The following DDR2 variants were observed in gnomAD, a reference collection of about 807,000 sequenced individuals.
The protein encoded by DDR2 is discoidin domain receptor tyrosine kinase 2.
Under a neutral mutation model 94.9 loss-of-function variants are expected in DDR2, and 27 were observed. The ratio of observed to expected loss-of-function variants is 0.28; its 90% CI spans 0.21 to 0.39. The LOEUF (loss-of-function observed/expected upper bound fraction) is 0.39, where lower values mean the gene tolerates loss of function less well. DDR2 is among the 10% of genes least tolerant of loss of function. DDR2 has a pLI of 1.00. For synonymous variants in DDR2, 382 were observed against 377.2 expected (o/e 1.01, Z -0.15); for missense variants, 783 against 1,076.0 (o/e 0.73, Z 3.81).
At chr1:162,699,746 C>T (rs1217778509) in intron 2 of DDR2, among the ~76,000 whole-genome samples, 4 of 152,084 alleles carry the variant, frequency 2.6e-5, no homozygotes, top group Non-Finnish European at 2.9e-5. Flanking sequence ...CTATTATTTC[C>T]GAATATGCCA....
At chr1:162,707,740 C>T (rs1005566867) in intron 2 of DDR2, among the ~76,000 whole-genome samples, 4 of 152,224 alleles carry the variant, frequency 2.6e-5, no homozygotes, top group African/African-American at 7.2e-5. Context: ...ATTGCCACCT[C>T]GACTGCTGAT....
chr1:162,702,311 A>G (rs945358141), intron 2 of DDR2, among the ~76,000 whole-genome samples: 1 of 152,146 alleles, frequency 6.6e-6, no homozygotes, highest in South Asian at 2.1e-4. Context: ...CAGCTGGAGA[A>G]AAGGTATCTT....
At chr1:162,732,512 C>G (rs10047103) in intron 3 of DDR2, among the ~76,000 whole-genome samples, 3,456 of 152,336 alleles carry the variant, frequency 0.023, 99 homozygotes, top group African/African-American at 0.068. Context: ...GAGTAAGTCA[C>G]TTCACCTTTC....
chr1:162,651,220 C>A (rs1355125470), intron 1 of DDR2, among the ~76,000 whole-genome samples: 3 of 152,202 alleles, frequency 2.0e-5, no homozygotes, highest in Admixed American at 1.3e-4. Context: ...CTCTTGTGCT[C>A]ACTCCTTGCT....
chr1:162,691,846 T>G (rs1445010629), intron 2 of DDR2, among the ~76,000 whole-genome samples: 1 of 152,218 alleles, frequency 6.6e-6, no homozygotes, highest in Admixed American at 6.5e-5. Flanking sequence ...TAAATTGCCA[T>G]GCAGTCTGAT....
At chr1:162,655,856 A>T (rs985152052) in intron 2 of DDR2, among the ~76,000 whole-genome samples, 2 of 152,208 alleles carry the variant, frequency 1.3e-5, no homozygotes, top group Admixed American at 1.3e-4. Context: ...AACAATACTT[A>T]ATAGAAGCAC....
In DDR2 at chr1:162,705,558, G is replaced by A. The variant is rs184685565; in HGVS notation, c.-27-13479G>A. On this transcript the variant is annotated intron_variant, in intron 2 of 17. Transcript: ENST00000367921. The stretch of plus-strand genomic sequence containing the variant: ...AACTCTATTCTGTTGTGGTACACCC[G>A]CTGGAGTGTTTAGAACCACGGCTGG... 2.1e-3 allele frequency among the ~76,000 whole-genome samples: 315 copies of A among 152,284 alleles called. 1 individual carries two copies. The highest frequency in any genetic ancestry group is 6.8e-3 in the African/African-American group (282 of 41,566).
At chr1:162,671,543 T>C (rs1658838430) in intron 2 of DDR2, among the ~76,000 whole-genome samples, 1 of 152,174 alleles carries the variant, frequency 6.6e-6, no homozygotes, top group South Asian at 2.1e-4. Flanking sequence ...CTGCCTTTTT[T>C]ACTTTGGAGT....
chr1:162,654,896 G>A (rs1657881920), intron 1 of DDR2, among the ~76,000 whole-genome samples: 1 of 152,024 alleles, frequency 6.6e-6, no homozygotes, highest in Non-Finnish European at 1.5e-5. Flanking sequence ...TCATGTTGAA[G>A]ATAAAGTTAT....
In DDR2 at chr1:162,716,099, A is replaced by G. The variant is rs181578591; in HGVS notation, c.-27-2938A>G. ...ATGATTAAATGGATAATTTTATAAC[A>G]ATGTTGTGAAGGATCCAGTAGAGTT... On this transcript the variant is annotated intron_variant, in intron 2 of 17. Transcript: ENST00000367921. 8.5e-5 allele frequency among the ~76,000 whole-genome samples: 13 copies of G among 152,318 alleles called. No individual in the cohort carries two copies. The East Asian group carries it at 2.5e-3, about 29-fold the overall frequency.
chr1:162,753,076 T>G lies in DDR2; in HGVS notation c.83-19T>G. 6.2e-7 allele frequency: 1 copy of G among 1,603,694 alleles called. No homozygotes were observed. Among genetic ancestry groups the G allele is most frequent in the Non-Finnish European group, 8.5e-7 (1 of 1,171,096 alleles). The stretch of plus-strand genomic sequence containing the variant: ...TAAAACCATGTCCTCTCTTTTCTCT[T>G]TGGTTTCTCTTGGTCTAGCTATATG... On this transcript the variant is annotated intron_variant, in intron 3 of 17. Coordinates refer to ENST00000367921, the MANE Select transcript of DDR2 (RefSeq NM_006182.4).
At chr1:162,671,103 C>T (rs1229983878) in intron 2 of DDR2, among the ~76,000 whole-genome samples, 1 of 152,154 alleles carries the variant, frequency 6.6e-6, no homozygotes, top group African/African-American at 2.4e-5. Flanking sequence ...TGGTCTGTAA[C>T]ATGTGAACCT....
intron 3 of DDR2, among the ~76,000 whole-genome samples, chr1:162,727,697 A>G (rs1445815900): frequency 6.7e-6 from 1 of 148,180 alleles, no homozygotes; most frequent in East Asian, 1.9e-4. Flanking sequence ...ACAGATTATC[A>G]CTACACCAGA....
chr1:162,731,997 AG>A (rs753382495), intron 3 of DDR2, among the ~76,000 whole-genome samples: 7 of 152,276 alleles, frequency 4.6e-5, no homozygotes, highest in South Asian at 2.1e-4. Context: ...TTACTATGAA[AG>A]TTTCACTGTC....
chr1:162,720,558 T>C (rs554435217), intron 3 of DDR2, among the ~76,000 whole-genome samples: 60 of 152,202 alleles, frequency 3.9e-4, no homozygotes, highest in Non-Finnish European at 7.2e-4. Context: ...CTACTGTAGA[T>C]GGGAATTTGA....
intron 3 of DDR2, among the ~76,000 whole-genome samples, chr1:162,726,830 G>A (rs140657572): frequency 2.6e-5 from 4 of 152,078 alleles, no homozygotes; most frequent in Non-Finnish European, 5.9e-5. Context: ...GAAACTGGGC[G>A]CACTGGGGCC....
chr1:162,702,405 A>T (rs1660472164), intron 2 of DDR2, among the ~76,000 whole-genome samples: 1 of 152,190 alleles, frequency 6.6e-6, no homozygotes, highest in South Asian at 2.1e-4. Context: ...AAAAAACAAG[A>T]ATACCAACAA....
intron 2 of DDR2, among the ~76,000 whole-genome samples, chr1:162,711,558 A>G (rs1660916327): frequency 1.3e-5 from 2 of 152,228 alleles, no homozygotes; most frequent in Admixed American, 1.3e-4. Context: ...TATTTGAGTT[A>G]TGGTCACTCC....
chr1:162,752,383 G>A (rs1216685282), intron 3 of DDR2, among the ~76,000 whole-genome samples: 1 of 152,142 alleles, frequency 6.6e-6, no homozygotes, highest in Non-Finnish European at 1.5e-5. Context: ...GCCACCGTAG[G>A]GGTCAACTTT....
Sources: allele counts gnomAD v4.1 joint callset (sites outside exome capture counted in the v4.1 genomes callset), GRCh38; gene constraint gnomAD v4.1.1; transcripts MANE v1.5; gene names NCBI Gene and HGNC (gene_info 2026-07-23, HGNC 2026-07-21).